AQP7B: variants seen among roughly 807,000 people sequenced by gnomAD.
AQP7B encodes the protein putative aquaporin-7B.
the AQP7B span, among the ~76,000 whole-genome samples, chr2:94,589,790 A>C: frequency 6.7e-6 from 1 of 149,966 alleles, no homozygotes. Context: ...CCACAAGTCC[A>C]CTCCTCCTGT....
the AQP7B span, chr2:94,594,795 G>A: frequency 7.0e-6 from 11 of 1,575,648 alleles, no homozygotes; most frequent in Non-Finnish European, 8.7e-6. Flanking sequence ...CAAAGATCCA[G>A]GAAATATGGT....
chr2:94,603,992 G>T, the AQP7B span: 15 of 991,694 alleles, frequency 1.5e-5, no homozygotes, highest in Non-Finnish European at 2.1e-5. Flanking sequence ...GTGTTGAGGG[G>T]TGGGGGGTGA....
chr2:94,593,619 G>A, the AQP7B span, among the ~76,000 whole-genome samples: 2 of 151,822 alleles, frequency 1.3e-5, no homozygotes, highest in Non-Finnish European at 2.9e-5. Flanking sequence ...CGAAGTAGCT[G>A]GGATTACAGG....
chr2:94,594,988 C>T, the AQP7B span: 1 of 609,178 alleles, frequency 1.6e-6, no homozygotes, highest in Non-Finnish European at 2.8e-6. Flanking sequence ...AGCTGGGAGC[C>T]TGGGGAAGCA....
the AQP7B span, chr2:94,603,151 C>T: frequency 6.5e-7 from 1 of 1,528,146 alleles, no homozygotes; most frequent in Admixed American, 1.9e-5. Context: ...CTGGCAGCTG[C>T]CACCATCTAC....
At chr2:94,601,531 C>T in the AQP7B span, among the ~76,000 whole-genome samples, 1 of 152,112 alleles carries the variant, frequency 6.6e-6, no homozygotes, top group Admixed American at 6.5e-5. Flanking sequence ...GTTGCTGGAG[C>T]CCTTGGAGAG....
the AQP7B span, among the ~76,000 whole-genome samples, chr2:94,589,289 G>A: frequency 6.6e-6 from 1 of 151,936 alleles, no homozygotes; most frequent in South Asian, 2.1e-4. Context: ...GATTACAGGT[G>A]TGAGCCACTG....
At chr2:94,589,375 G>A in the AQP7B span, among the ~76,000 whole-genome samples, 1 of 151,962 alleles carries the variant, frequency 6.6e-6, no homozygotes, top group African/African-American at 2.4e-5. Flanking sequence ...CCCTCCATCT[G>A]AGAGGCTTTC....
the AQP7B span, chr2:94,588,507 T>C: frequency 0.022 from 16,016 of 739,352 alleles, 260 homozygotes; most frequent in Non-Finnish European, 0.027. Context: ...CATCTACAAA[T>C]CTGAAGGACA....
chr2:94,589,011 T>C, the AQP7B span, among the ~76,000 whole-genome samples: 404 of 149,346 alleles, frequency 2.7e-3, 2 homozygotes, highest in African/African-American at 9.3e-3. Flanking sequence ...GAGATGGAAT[T>C]CAGTTCTGTC....
At chr2:94,590,825 TC>T in the AQP7B span, among the ~76,000 whole-genome samples, 1 of 150,484 alleles carries the variant, frequency 6.6e-6, no homozygotes, top group Non-Finnish European at 1.5e-5. Flanking sequence ...GCTCCTGTAG[TC>T]CCAACTACTT....
the AQP7B span, among the ~76,000 whole-genome samples, chr2:94,600,915 A>C: frequency 6.6e-6 from 1 of 151,060 alleles, no homozygotes; most frequent in Non-Finnish European, 1.5e-5. Context: ...GTGCCGAGGC[A>C]CATGCCCATA....
chr2:94,597,792 A>T, the AQP7B span, among the ~76,000 whole-genome samples: 1 of 152,058 alleles, frequency 6.6e-6, no homozygotes, highest in Admixed American at 6.6e-5. Flanking sequence ...TTTAGGAAAT[A>T]CAAGGTTTCA....
the AQP7B span, among the ~76,000 whole-genome samples, chr2:94,597,778 T>C: frequency 6.6e-6 from 1 of 152,104 alleles, no homozygotes; most frequent in African/African-American, 2.4e-5. Flanking sequence ...CCAATTTTTG[T>C]ATTTTTAGGA....
chr2:94,602,656 T>C, the AQP7B span: 1 of 1,553,918 alleles, frequency 6.4e-7, no homozygotes, highest in Non-Finnish European at 8.8e-7. Flanking sequence ...CAAGACCAGG[T>C]GTCCCCAACA....
At chr2:94,594,848 A>C in the AQP7B span, 71 of 1,544,776 alleles carry the variant, frequency 4.6e-5, no homozygotes, top group Non-Finnish European at 6.3e-5. Context: ...TTCTTGGCCG[A>C]GTTCATGAGC....
chr2:94,594,494 G>T, the AQP7B span, among the ~76,000 whole-genome samples: 2 of 152,304 alleles, frequency 1.3e-5, no homozygotes, highest in East Asian at 3.9e-4. Flanking sequence ...GGCCTCATTG[G>T]TGTGCCATTT....
the AQP7B span, among the ~76,000 whole-genome samples, chr2:94,598,311 G>T: frequency 2.4e-4 from 37 of 152,178 alleles, no homozygotes; most frequent in Non-Finnish European, 5.1e-4. Flanking sequence ...ATTGCAGCCA[G>T]GACGAGGGAA....
chr2:94,588,603 T>G, the AQP7B span: 1 of 681,058 alleles, frequency 1.5e-6, no homozygotes, highest in African/African-American at 1.8e-5. Context: ...CCCAGCCCAC[T>G]TCAGTGCCCT....
Sources: gnomAD v4.1 joint callset for allele counts (sites outside exome capture counted in the v4.1 genomes callset) on GRCh38, gnomAD v4.1.1 for gene constraint, MANE v1.5 for transcripts, NCBI Gene and HGNC (gene_info 2026-07-23, HGNC 2026-07-21) for gene names.